The following PUS7L variants were observed in gnomAD, a reference collection of about 807,000 sequenced individuals.
PUS7L encodes the protein pseudouridylate synthase PUS7L.
A neutral mutation model predicts 51.1 loss-of-function variants in PUS7L; 49 were observed. That is an observed-to-expected ratio of 0.96 (90% confidence interval 0.76 to 1.22). The LOEUF (loss-of-function observed/expected upper bound fraction) is 1.22. Among genes scored for constraint, PUS7L ranks in the 50% most tolerant of loss-of-function variants. PUS7L has a pLI of 0.00. For synonymous variants in PUS7L, 277 were observed against 276.2 expected, an observed-to-expected ratio of 1.00 and a Z score of -0.03; for missense variants, 828 against 820.6, an observed-to-expected ratio of 1.01 and a Z score of -0.11.
chr12:43,749,301 CAT>C (rs1435267938), intron 2 of PUS7L, among the ~76,000 whole-genome samples: 2 of 152,174 alleles, frequency 1.3e-5, no homozygotes, highest in Non-Finnish European at 2.9e-5. Flanking sequence ...CTGTCTAAAA[CAT>C]GTGTTCCCCT....
chr12:43,730,569 G>C lies in PUS7L; in HGVS notation c.1913C>G (p.Pro638Arg). 2 of 1,613,692 alleles carry C rather than the reference G, an allele frequency of 1.2e-6. No individual in the cohort carries two copies. Among genetic ancestry groups the C allele is most frequent in the Non-Finnish European group, 1.7e-6 (2 of 1,179,738 alleles). ...TTTCAAAATCTGTCTATAGCAACCT[G>C]GTATATTCAGTTTCAGAGTAGGTAC... ...FKVPTLKLNIPGCYRQILKHP... is the reference protein window; with the variant it reads ...FKVPTLKLNIRGCYRQILKHP... The change falls in exon 9 of 9, where the codon CCA (proline) becomes CGA (arginine). Residue 638 changes from proline (P) to arginine (R), a missense_variant. Coordinates refer to ENST00000344862, the MANE Select transcript of PUS7L (RefSeq NM_031292.5).
intron 4 of PUS7L, 69 bp from the exon 5 acceptor site, chr12:43,742,624 A>G: frequency 6.8e-7 from 1 of 1,469,426 alleles, no homozygotes; most frequent in Non-Finnish European, 9.1e-7. Context: ...TACACAATTG[A>G]ATTTTTCTCT....
At chr12:43,752,328 G>A (rs1938493732) in intron 2 of PUS7L, among the ~76,000 whole-genome samples, 2 of 152,204 alleles carry the variant, frequency 1.3e-5, no homozygotes, top group African/African-American at 4.8e-5. Flanking sequence ...GCTTTCCCCA[G>A]AGTGAGCAAT....
At chr12:43,740,468 A>C (rs1027817838) in intron 5 of PUS7L, among the ~76,000 whole-genome samples, 23 of 152,226 alleles carry the variant, frequency 1.5e-4, no homozygotes, top group African/African-American at 5.1e-4. Flanking sequence ...AATAAAACTT[A>C]AGATGGGAAG....
In PUS7L at chr12:43,736,636, C is replaced by T; in HGVS notation, c.1470G>A (p.Leu490=). 1 of 1,613,896 alleles carries T rather than the reference C, an allele frequency of 6.2e-7. No individual in the cohort carries two copies. Among genetic ancestry groups the T allele is most frequent in the Non-Finnish European group, 8.5e-7 (1 of 1,179,868 alleles). ...TCTCACGCACTTTGAATTCAGGCAT[C>T]AATGAAAGTGTGCCTTTAGCATCCT... is the stretch of plus-strand genomic sequence containing the variant. ...QTEDAKGTLS[L]MPEFKVRERA... Residue 490 remains leucine, a synonymous_variant, in exon 7 of 9, where the codon TTG becomes TTA. Transcript: ENST00000344862.
intron 2 of PUS7L, among the ~76,000 whole-genome samples, chr12:43,751,098 A>G (rs940130814): frequency 6.6e-6 from 1 of 152,158 alleles, no homozygotes; most frequent in African/African-American, 2.4e-5. Flanking sequence ...CAGGACTTCA[A>G]GAACTCTTTG....
In PUS7L at chr12:43,729,484, G is replaced by A. The variant is rs989887630; in HGVS notation, c.*892C>T. 4.5e-5 allele frequency: 15 copies of A among 331,692 alleles called. No individual in the cohort carries two copies. The highest frequency in any genetic ancestry group is 3.0e-4 in the African/African-American group (14 of 47,302). The allele number at this position is 331,692 out of a possible 1,614,324, so 20.5% of individuals were successfully genotyped here. A position where few individuals can be genotyped will look rare whatever the true frequency, so the allele number is the denominator to read the frequency against. On this transcript the variant is annotated 3_prime_UTR_variant, in exon 9 of 9. Coordinates refer to ENST00000344862, the MANE Select transcript of PUS7L (RefSeq NM_031292.5). ...ATTTAACTGATATAAAATGGTGAAG[G>A]ATGATTTATAATGTGGGATAGTTAA... is the stretch of plus-strand genomic sequence containing the variant.
chr12:43,736,066 G>T (rs899689610), intron 7 of PUS7L, among the ~76,000 whole-genome samples: 1 of 152,068 alleles, frequency 6.6e-6, no homozygotes, highest in Non-Finnish European at 1.5e-5. Context: ...GAGCCACCAC[G>T]CCTGGCCTTG....
At chr12:43,740,270 C>T (rs1186790850) in intron 5 of PUS7L, among the ~76,000 whole-genome samples, 1 of 152,102 alleles carries the variant, frequency 6.6e-6, no homozygotes, top group Non-Finnish European at 1.5e-5. Context: ...GGTCATTTGA[C>T]CCAATTTCCC....
intron 7 of PUS7L, among the ~76,000 whole-genome samples, chr12:43,734,767 C>A (rs201718738): frequency 6.6e-6 from 1 of 151,976 alleles, no homozygotes; most frequent in African/African-American, 2.4e-5. Flanking sequence ...AATCTGGGAC[C>A]CAATTTTCAT....
intron 5 of PUS7L, chr12:43,739,028 A>G (rs12308611): frequency 0.2 from 30,451 of 155,134 alleles, 4,288 homozygotes; most frequent in African/African-American, 0.4. Flanking sequence ...CAGAAGAAAA[A>G]AGAAAAAAAA....
chr12:43,740,627 G>A (rs1937853745), intron 5 of PUS7L, among the ~76,000 whole-genome samples: 2 of 152,034 alleles, frequency 1.3e-5, no homozygotes, highest in Admixed American at 1.3e-4. Flanking sequence ...TTTAGCTGCA[G>A]GAACCAGCCT....
At chr12:43,750,926 A>C (rs932550527) in intron 2 of PUS7L, among the ~76,000 whole-genome samples, 1 of 152,192 alleles carries the variant, frequency 6.6e-6, no homozygotes, top group Non-Finnish European at 1.5e-5. Flanking sequence ...TGTAGAGAAG[A>C]AGTTCCAGAA....
At chr12:43,731,185 T>G (rs1262429227) in intron 8 of PUS7L, among the ~76,000 whole-genome samples, 1 of 152,170 alleles carries the variant, frequency 6.6e-6, no homozygotes, top group Non-Finnish European at 1.5e-5. Flanking sequence ...AACACTGCAT[T>G]TTGTGGGTTG....
intron 2 of PUS7L, among the ~76,000 whole-genome samples, chr12:43,753,774 G>T (rs1002736597): frequency 6.6e-6 from 1 of 152,144 alleles, no homozygotes; most frequent in Non-Finnish European, 1.5e-5. Context: ...ACTGAGAATG[G>T]AGCTCTGAAA....
rs1179198036 is a variant in PUS7L, at chr12:43,755,266, A to G, written c.-16-5T>C. Reference sequence around the variant, plus strand: ...TCCATTCTTCTATAACAGTGCCTAGAAAACAAAACAAAGAGGTGGTTAGTT... The same window carrying G: ...TCCATTCTTCTATAACAGTGCCTAGGAAACAAAACAAAGAGGTGGTTAGTT... On this transcript the variant is annotated splice_polypyrimidine_tract_variant and splice_region_variant and intron_variant, in intron 1 of 8. Transcript: ENST00000344862. 6.6e-7 allele frequency: 1 copy of G among 1,514,498 alleles called. No individual in the cohort carries two copies. Among genetic ancestry groups the G allele is most frequent in the Non-Finnish European group, 8.9e-7 (1 of 1,124,984 alleles). The allele number at this position is 1,514,498 out of a possible 1,614,324, so 93.8% of individuals were successfully genotyped here.
At chr12:43,733,120 A>G (rs1253828568) in intron 7 of PUS7L, among the ~76,000 whole-genome samples, 1 of 152,088 alleles carries the variant, frequency 6.6e-6, no homozygotes, top group Non-Finnish European at 1.5e-5. Context: ...CTCCCCAACT[A>G]TAAATTCACC....
chr12:43,746,193 G>C lies in PUS7L; in HGVS notation c.1116C>G (p.Val372=). Residue 372 remains valine, a synonymous_variant, in exon 4 of 9, where the codon GTC becomes GTG. Coordinates refer to ENST00000344862, the MANE Select transcript of PUS7L (RefSeq NM_031292.5). ...AATCATCTACAGACCGAATATTAAA[G>C]ACATTCATTCTTTTCTTTTCAATTT... ...EKEIEKKRMN[V]FNIRSVDDSL... 1 of 1,497,852 alleles carries C rather than the reference G, an allele frequency of 6.7e-7. No homozygotes were observed. The highest frequency in any genetic ancestry group is 1.2e-5 in the South Asian group (1 of 82,310). The allele number at this position is 1,497,852 out of a possible 1,614,324, so 92.8% of individuals were successfully genotyped here. A position where few individuals can be genotyped will look rare whatever the true frequency, so the allele number is the denominator to read the frequency against.
At chr12:43,750,949 C>A (rs1050098161) in intron 2 of PUS7L, among the ~76,000 whole-genome samples, 1 of 152,098 alleles carries the variant, frequency 6.6e-6, no homozygotes, top group Non-Finnish European at 1.5e-5. Context: ...CTACATAAAT[C>A]GTTCCTTGAG....
Sources: gnomAD v4.1 joint callset for allele counts (sites outside exome capture counted in the v4.1 genomes callset) on GRCh38, gnomAD v4.1.1 for gene constraint, MANE v1.5 for transcripts, NCBI Gene and HGNC (gene_info 2026-07-23, HGNC 2026-07-21) for gene names.